Variants in CWC22 observed in about 807,000 individuals in gnomAD.
CWC22 encodes the protein pre-mRNA-splicing factor CWC22 homolog.
In CWC22, 53 loss-of-function variants were observed where a neutral mutation model predicts 117.2. That is an observed-to-expected ratio of 0.45 (90% CI 0.36 to 0.57). CWC22 has a LOEUF of 0.57. CWC22 is among the 20% of genes least tolerant of loss of function. The pLI, the probability that CWC22 is intolerant of heterozygous loss-of-function variation, is 0.00. For synonymous variants in CWC22, 360 were observed against 355.6 expected (o/e 1.01, Z -0.14); for missense variants, 980 against 1,068.8 (o/e 0.92, Z 1.16).
chr2:179,972,876 G>A (rs1461174221), intron 8 of CWC22, among the ~76,000 whole-genome samples: 1 of 152,010 alleles, frequency 6.6e-6, no homozygotes, highest in Non-Finnish European at 1.5e-5. Context: ...GGGCGTGGTG[G>A]CAGGTGCCCG....
chr2:179,947,865 T>C (rs761407297), intron 19 of CWC22, among the ~76,000 whole-genome samples: 1 of 152,188 alleles, frequency 6.6e-6, no homozygotes, highest in Non-Finnish European at 1.5e-5. Context: ...CCATATTTGA[T>C]GAAATATTGC....
chr2:179,964,552 C>A lies in CWC22; in HGVS notation c.1392G>T (p.Gln464His). The change falls in exon 13 of 20, where the codon CAG becomes CAT. Residue 464 changes from glutamine to histidine, a missense_variant. Gln to His is a conservative substitution (Grantham distance 24). Around this residue, in one of 3 missense-constraint regions of CWC22, gnomAD observed 559 missense variants for 602.3 expected, o/e 0.93. Coordinates refer to ENST00000410053, the MANE Select transcript of CWC22 (RefSeq NM_020943.3). ...ACTGAGATATGATGCCTTACCTTGA[C>A]TGAATAGCAAGATAAATTGTACGAC... ...SFRRTIYLAI[Q>H]SSLDFEECAH... is the part of the protein sequence containing the mutation. 1 of 1,544,876 alleles carries A rather than the reference C, an allele frequency of 6.5e-7. No individual in the cohort carries two copies. The highest frequency in any genetic ancestry group is 8.8e-7 in the Non-Finnish European group (1 of 1,133,166).
intron 15 of CWC22, among the ~76,000 whole-genome samples, chr2:179,954,673 G>C (rs1481849466): frequency 2.0e-5 from 3 of 152,012 alleles, no homozygotes; most frequent in African/African-American, 7.2e-5. Context: ...ACACTGCTTT[G>C]AGATTTTGAA....
intron 17 of CWC22, 79 bp downstream of exon 17, chr2:179,952,392 C>T (rs1194384384): frequency 3.2e-5 from 33 of 1,037,982 alleles, no homozygotes; most frequent in Non-Finnish European, 4.3e-5. Context: ...TTTTTACAGT[C>T]TCGGATGGGC....
chr2:179,986,376 G>A (rs1409735944), intron 4 of CWC22, among the ~76,000 whole-genome samples: 6 of 151,984 alleles, frequency 3.9e-5, no homozygotes, highest in African/African-American at 2.4e-5. Context: ...CCCCTCTTGC[G>A]GTACAATACA....
rs545216154 is a variant in CWC22 at position 179,980,284 on chromosome 2, C to T, written c.452+1468G>A. Among the ~76,000 whole-genome samples, 14 of 152,244 alleles carry T rather than the reference C, an allele frequency of 9.2e-5. No homozygotes were observed. In the South Asian group the frequency reaches 1.7e-3, roughly 18 times the overall value. ...TAACACTTCAAATATCACTGCCAAG[C>T]GCTAAAATATGACACATAAAGAAAA... On this transcript the variant is annotated intron_variant, in intron 5 of 19. Coordinates refer to ENST00000410053, the MANE Select transcript of CWC22 (RefSeq NM_020943.3).
intron 2 of CWC22, among the ~76,000 whole-genome samples, chr2:179,990,563 AG>A (rs1687536944): frequency 6.6e-6 from 1 of 151,866 alleles, no homozygotes; most frequent in South Asian, 2.1e-4. Context: ...AGAGAGAGAG[AG>A]AGAGAGAGAG....
At chr2:179,988,998 T>C (rs1182533351) in intron 2 of CWC22, among the ~76,000 whole-genome samples, 1 of 151,860 alleles carries the variant, frequency 6.6e-6, no homozygotes, top group East Asian at 1.9e-4. Context: ...TGGTGATTTC[T>C]GAGACTGTGC....
intron 19 of CWC22, among the ~76,000 whole-genome samples, chr2:179,949,321 C>T (rs2105505536): frequency 6.6e-6 from 1 of 152,130 alleles, no homozygotes. Flanking sequence ...GTAAAGAAAA[C>T]CTACAAATCA....
chr2:179,974,556 A>C (rs1285689022), intron 6 of CWC22, among the ~76,000 whole-genome samples: 2 of 152,252 alleles, frequency 1.3e-5, no homozygotes, highest in Non-Finnish European at 2.9e-5. Flanking sequence ...TGACAACTGA[A>C]TCACTAGAGT....
At chr2:179,978,813 G>C (rs1198058197) in intron 5 of CWC22, among the ~76,000 whole-genome samples, 1 of 152,104 alleles carries the variant, frequency 6.6e-6, no homozygotes, top group African/African-American at 2.4e-5. Context: ...AAGCCACAAA[G>C]AAATGGTAAC....
At position 179,994,699 on chromosome 2, in the gene CWC22, C is replaced by T. The variant is rs762573999; in HGVS notation, c.-113-1245G>A. ...TCTAAAGCACATCACTGCTTATGTA[C>T]GAGGCTTACAGTTAAAGAGACAAAT... On this transcript the variant is annotated intron_variant, in intron 1 of 19. Coordinates refer to ENST00000410053, the MANE Select transcript of CWC22 (RefSeq NM_020943.3). 2.6e-5 allele frequency among the ~76,000 whole-genome samples: 4 copies of T among 152,258 alleles called. No homozygotes were observed. The East Asian group carries it at 5.8e-4, about 22-fold the overall frequency.
intron 7 of CWC22, among the ~76,000 whole-genome samples, 173 bp downstream of exon 7, chr2:179,973,461 C>T (rs1473761202): frequency 1.3e-5 from 2 of 152,126 alleles, no homozygotes; most frequent in African/African-American, 4.8e-5. Context: ...TTTTGTGGCT[C>T]ATCAATAGTG....
intron 13 of CWC22, among the ~76,000 whole-genome samples, chr2:179,959,447 G>A (rs187964572): frequency 2.1e-3 from 316 of 152,152 alleles, no homozygotes; most frequent in African/African-American, 7.0e-3. Flanking sequence ...GAAATGTTCC[G>A]GAATTAGACA....
In CWC22 at chr2:179,945,524, T is replaced by A; in HGVS notation, c.2332A>T (p.Arg778Ter). Residue 778 changes from arginine (R) to a stop codon, truncating the protein, a stop_gained, in exon 20 of 20, where the codon AGA (arginine) becomes TGA (stop). Coordinates refer to ENST00000410053, the MANE Select transcript of CWC22 (RefSeq NM_020943.3). LOFTEE classifies it high-confidence loss of function. ...RDQNSSGSNW[R>*]DPITKYTSDK... ...GATGTGTACTTTGTTATAGGATCTCTCCAATTTGAACCACTTGAATTTTGA... is the reference window on the plus strand; with the variant it reads ...GATGTGTACTTTGTTATAGGATCTCACCAATTTGAACCACTTGAATTTTGA... 1 of 1,613,324 alleles carries A rather than the reference T, an allele frequency of 6.2e-7. No homozygotes were observed. The highest frequency in any genetic ancestry group is 8.5e-7 in the Non-Finnish European group (1 of 1,179,486).
chr2:179,957,510 G>C (rs1686625948), intron 14 of CWC22, among the ~76,000 whole-genome samples: 1 of 152,198 alleles, frequency 6.6e-6, no homozygotes, highest in South Asian at 2.1e-4. Context: ...ATCAATGAAT[G>C]AGTCTTGCTA....
At position 179,965,877 on chromosome 2, in the gene CWC22, C is replaced by CCTTCTTCATCTTCTTCTCCCTCTTCCT; in HGVS notation, c.1289_1315dup (p.Glu430_Glu438dup). On this transcript the variant is annotated inframe_insertion and splice_region_variant. Transcript: ENST00000410053. ...ATTATTTGAATATGCTACATGTTTA[C>CCTTCTTCATCTTCTTCTCCCTCTTCCT]CTTCTTCATCTTCTTCTCCCTCTTC... 6.8e-7 allele frequency: 1 copy of CCTTCTTCATCTTCTTCTCCCTCTTCCT among 1,468,864 alleles called. No homozygotes were observed. The allele number at this position is 1,468,864 out of a possible 1,614,324, so 91.0% of individuals were successfully genotyped here.
In CWC22 at chr2:179,989,590, A is replaced by T. The variant is rs142101743; in HGVS notation, c.28-946T>A. 2.0e-4 allele frequency among the ~76,000 whole-genome samples: 30 copies of T among 152,308 alleles called. No individual in the cohort carries two copies. The East Asian group carries it at 5.8e-3, about 29-fold the overall frequency. On this transcript the variant is annotated intron_variant, in intron 2 of 19. Coordinates refer to ENST00000410053, the MANE Select transcript of CWC22 (RefSeq NM_020943.3). ...CTTTTAGGGTATAAGCACTATTCCA[A>T]ATTTTTTGAAAAACAATCAATATAC...
intron 1 of CWC22, among the ~76,000 whole-genome samples, chr2:180,000,779 CA>C (rs1687827783): frequency 6.6e-6 from 1 of 150,506 alleles, no homozygotes; most frequent in Non-Finnish European, 1.5e-5. Flanking sequence ...GTAGACAGCC[CA>C]AATTTTCAGA....
Sources: allele counts gnomAD v4.1 joint callset (sites outside exome capture counted in the v4.1 genomes callset), GRCh38; gene constraint gnomAD v4.1.1; regional missense constraint gnomAD v4.1.1; transcripts MANE v1.5; gene names NCBI Gene and HGNC (gene_info 2026-07-23, HGNC 2026-07-21).